Variants in METTL15 observed in about 807,000 individuals in gnomAD.
METTL15 encodes the protein methyltransferase 15, mitochondrial 12S rRNA N4-cytidine, also known as 12S rRNA N(4)-cytidine methyltransferase METTL15.
Under a neutral mutation model 38.3 loss-of-function variants are expected in METTL15, and 34 were observed. The observed-to-expected ratio is 0.89, with a 90% confidence interval of 0.68 to 1.18. The LOEUF is 1.18. Among genes scored for constraint, METTL15 ranks in the 50% most tolerant of loss-of-function variants. The pLI is 0.00. For synonymous variants in METTL15, 162 were observed against 170.9 expected (o/e 0.95, Z 0.41); for missense variants, 438 against 498.4 (o/e 0.88, Z 1.15).
intron 4 of METTL15, among the ~76,000 whole-genome samples, chr11:28,233,580 C>T (rs939372378): frequency 6.6e-6 from 1 of 151,852 alleles, no homozygotes; most frequent in Non-Finnish European, 1.5e-5. Flanking sequence ...CCTCATCTTC[C>T]TTATGGTGAG....
At chr11:28,253,415 G>A (rs544931278) in intron 4 of METTL15, among the ~76,000 whole-genome samples, 2 of 152,192 alleles carry the variant, frequency 1.3e-5, no homozygotes, top group South Asian at 4.2e-4. Context: ...GTGGAGAATG[G>A]GGTATGCGTC....
chr11:28,487,889 A>C (rs1851451450), intron 6 of METTL15, among the ~76,000 whole-genome samples: 1 of 152,170 alleles, frequency 6.6e-6, no homozygotes, highest in South Asian at 2.1e-4. Context: ...CATTTACTAA[A>C]TGGAGGGAAC....
chr11:28,272,672 C>G (rs552404040), intron 4 of METTL15, among the ~76,000 whole-genome samples: 1 of 152,260 alleles, frequency 6.6e-6, no homozygotes, highest in African/African-American at 2.4e-5. Context: ...ACCTATGTAA[C>G]AAACCTGCAC....
intron 3 of METTL15, among the ~76,000 whole-genome samples, chr11:28,161,107 C>CTTTTTTTTTTTTTTTTTTTTTTTTTTTTT (rs10660185): frequency 6.1e-5 from 8 of 131,902 alleles, no homozygotes; most frequent in Non-Finnish European, 9.5e-5. Flanking sequence ...TTGCACCTTC[C>CTTTTTTTTTTTTTTTTTTTTTTTTTTTTT]TTTTTTTTTT....
intron 4 of METTL15, among the ~76,000 whole-genome samples, chr11:28,254,050 A>G (rs2133927705): frequency 6.6e-6 from 1 of 152,102 alleles, no homozygotes; most frequent in African/African-American, 2.4e-5. Flanking sequence ...TTTTTGAGGA[A>G]CCTCCAAACT....
chr11:28,328,074 T>G (rs1269953811), intron 6 of METTL15: 5 of 1,600,930 alleles, frequency 3.1e-6, no homozygotes, highest in Non-Finnish European at 4.3e-6. Context: ...CATGAAAATA[T>G]ATGTTTGTTC....
intron 4 of METTL15, among the ~76,000 whole-genome samples, chr11:28,213,130 C>T (rs1852711913): frequency 1.3e-5 from 2 of 152,126 alleles, no homozygotes; most frequent in Non-Finnish European, 2.9e-5. Context: ...ATATTACTGC[C>T]TTGGCTCAAA....
chr11:28,206,550 C>T (rs1000833458), intron 3 of METTL15, among the ~76,000 whole-genome samples: 2 of 151,126 alleles, frequency 1.3e-5, no homozygotes, highest in African/African-American at 2.4e-5. Context: ...GTGATGCCTC[C>T]AGTTTTGTTC....
chr11:28,228,457 T>C (rs893261508), intron 4 of METTL15, among the ~76,000 whole-genome samples: 4 of 151,992 alleles, frequency 2.6e-5, no homozygotes, highest in Non-Finnish European at 5.9e-5. Flanking sequence ...GTCTAGCATA[T>C]CTTTTTAATG....
At chr11:28,322,447 T>C (rs1398015275) in intron 6 of METTL15, among the ~76,000 whole-genome samples, 1 of 152,046 alleles carries the variant, frequency 6.6e-6, no homozygotes, top group Non-Finnish European at 1.5e-5. Flanking sequence ...GAAATGAAAA[T>C]TAAAACAGCG....
chr11:28,310,069 T>C (rs1857222285), intron 6 of METTL15, among the ~76,000 whole-genome samples: 1 of 152,152 alleles, frequency 6.6e-6, no homozygotes, highest in African/African-American at 2.4e-5. Flanking sequence ...TACTGACACC[T>C]GGTAAAGAAA....
chr11:28,236,055 T>C (rs933681045), intron 4 of METTL15, among the ~76,000 whole-genome samples: 21 of 152,188 alleles, frequency 1.4e-4, no homozygotes, highest in Non-Finnish European at 2.5e-4. Context: ...TCTGCATGTA[T>C]TGAGATAATC....
chr11:28,325,284 A>G (rs576045055), intron 6 of METTL15, among the ~76,000 whole-genome samples: 2 of 152,304 alleles, frequency 1.3e-5, no homozygotes, highest in South Asian at 4.1e-4. Flanking sequence ...GCAAGATGTA[A>G]ACATCCTACC....
intron 5 of METTL15, among the ~76,000 whole-genome samples, chr11:28,371,792 T>C (rs1366501700): frequency 6.6e-6 from 1 of 152,080 alleles, no homozygotes; most frequent in Non-Finnish European, 1.5e-5. Context: ...ATTTTTCAGA[T>C]TGTTCACTGT....
At chr11:28,325,217 A>G (rs1849595003) in intron 6 of METTL15, among the ~76,000 whole-genome samples, 1 of 152,246 alleles carries the variant, frequency 6.6e-6, no homozygotes, top group South Asian at 2.1e-4. Flanking sequence ...TGTTACGGCT[A>G]CATGGCTGTG....
intron 5 of METTL15, among the ~76,000 whole-genome samples, chr11:28,372,450 C>CTTTTTTTTTTTTTTTT (rs56304548): frequency 2.0e-5 from 2 of 101,578 alleles, no homozygotes; most frequent in African/African-American, 3.7e-5. Context: ...TTGTTGTGTT[C>CTTTTTTTTTTTTTTTT]TTTTTTTTTT....
At chr11:28,378,862 T>G (rs1249411582) in intron 5 of METTL15, among the ~76,000 whole-genome samples, 1 of 151,866 alleles carries the variant, frequency 6.6e-6, no homozygotes, top group Non-Finnish European at 1.5e-5. Context: ...GGGCTTTTCT[T>G]TAATAAGAGA....
intron 4 of METTL15, among the ~76,000 whole-genome samples, chr11:28,281,920 A>C (rs899305068): frequency 1.3e-5 from 2 of 152,184 alleles, no homozygotes; most frequent in African/African-American, 4.8e-5. Context: ...CCACTGAATA[A>C]ATTTTAAAAG....
intron 4 of METTL15, among the ~76,000 whole-genome samples, chr11:28,220,449 G>A (rs913177021): frequency 6.6e-6 from 1 of 152,088 alleles, no homozygotes; most frequent in African/African-American, 2.4e-5. Context: ...TTGAGCCTAT[G>A]TGTGTCTCTG....
Sources: allele counts gnomAD v4.1 joint callset (sites outside exome capture counted in the v4.1 genomes callset), GRCh38; gene constraint gnomAD v4.1.1; transcripts MANE v1.5; gene names NCBI Gene and HGNC (gene_info 2026-07-23, HGNC 2026-07-21).